The following MAP1S variants were observed in gnomAD, a reference collection of about 807,000 sequenced individuals.
MAP1S encodes microtubule associated protein 1S, also known as microtubule-associated protein 1S.
Under a neutral mutation model 60.9 loss-of-function variants are expected in MAP1S, and 27 were observed. The observed-to-expected ratio is 0.44, with a 90% CI of 0.33 to 0.61. The LOEUF (loss-of-function observed/expected upper bound fraction) is 0.61. MAP1S is among the 20% of genes least tolerant of loss of function. The pLI is 0.03. For synonymous variants in MAP1S, 826 were observed against 694.2 expected (o/e 1.19, Z -2.98); for missense variants, 1,608 against 1,486.6 (o/e 1.08, Z -1.34).
chr19:17,720,227 C>A (rs2080358238), intron 1 of MAP1S: 1 of 1,380,874 alleles, frequency 7.2e-7, no homozygotes, highest in South Asian at 1.6e-5. Flanking sequence ...GTGATGCGCC[C>A]GTGGGTGGAG....
rs1340449832 is a variant in MAP1S at position 17,727,276 on chromosome 19, G to A, written c.1892G>A (p.Ser631Asn). The change falls in exon 5 of 7, where the codon AGC becomes AAC. Residue 631 changes from serine to asparagine, a missense_variant. This residue lies in a region of MAP1S where 1,167 missense variants were observed against 961.4 expected (regional missense o/e 1.21). Coordinates refer to ENST00000324096, the MANE Select transcript of MAP1S (RefSeq NM_018174.6). The surrounding 1 kb of genome is among the most constrained non-coding windows in gnomAD (Gnocchi z 4.1). Reference protein sequence around the residue: ...EKALELPLAASSIPRPRTPSP... With the variant: ...EKALELPLAANSIPRPRTPSP... ...GCACTGGAGCTGCCTTTGGCCGCCA[G>A]CTCAATCCCAAGGCCACGCACACCC... 1 of 1,583,810 alleles carries A rather than the reference G, an allele frequency of 6.3e-7. No individual in the cohort carries two copies.
chr19:17,732,871 G>T (rs985405725), intron 5 of MAP1S: 3 of 328,920 alleles, frequency 9.1e-6, no homozygotes, highest in Non-Finnish European at 1.7e-5. Flanking sequence ...GGGGTGGCCG[G>T]TGGTGTTTGT....
In MAP1S at chr19:17,727,200, G is replaced by C. The variant is rs1424445634; in HGVS notation, c.1816G>C (p.Val606Leu). 1 of 1,573,516 alleles carries C rather than the reference G, an allele frequency of 6.4e-7. No individual in the cohort carries two copies. The highest frequency in any genetic ancestry group is 1.1e-5 in the South Asian group (1 of 87,218). ...AACGSPASQL[V>L]ATPSLELGPI... ...CTGCGGCTCTCCGGCCTCCCAGCTGGTGGCCACGCCCAGCCTGGAGCTGGG... is the reference window on the plus strand; with the variant it reads ...CTGCGGCTCTCCGGCCTCCCAGCTGCTGGCCACGCCCAGCCTGGAGCTGGG... The change falls in exon 5 of 7, where the codon GTG becomes CTG. Residue 606 changes from valine (V) to leucine (L), a missense_variant. This residue lies in a region of MAP1S where 1,167 missense variants were observed against 961.4 expected (regional missense o/e 1.21). Coordinates refer to ENST00000324096, the MANE Select transcript of MAP1S (RefSeq NM_018174.6). This position sits in a 1 kb window ranked among gnomAD's most constrained non-coding sequence, Gnocchi z 4.1.
Position 17,726,800 on chromosome 19 carries a change from CAA to C in MAP1S, c.1418_1419del (p.Lys473ArgfsTer20). On this transcript the variant is annotated frameshift_variant, in exon 5 of 7. Transcript: ENST00000324096. LOFTEE classifies it high-confidence loss of function. ...DLEGPGRAES[K>X]ESVGSRDSSK... ...TGGAGGGGCCGGGGCGAGCCGAGAG[CAA>C]AGAGAGCGTGGGCTCCCGGGACAGC... The C allele has an allele frequency of 1.3e-6, 2 of 1,558,136 alleles. No individual in the cohort carries two copies. The highest frequency in any genetic ancestry group is 2.4e-5 in the East Asian group (1 of 41,448).
rs1459138160 is a variant in MAP1S at position 17,725,292 on chromosome 19, T to G, written c.444+103T>G. The G allele has an allele frequency of 5.0e-6, 7 of 1,401,772 alleles. 1 individual carries two copies. Among genetic ancestry groups the G allele is most frequent in the Non-Finnish European group, 6.8e-6 (7 of 1,035,220 alleles). The allele number at this position is 1,401,772 out of a possible 1,614,324, so 86.8% of individuals were successfully genotyped here. A position where few individuals can be genotyped will look rare whatever the true frequency, so the allele number is the denominator to read the frequency against. On this transcript the variant is annotated intron_variant, in intron 4 of 6. Transcript: ENST00000324096. This position sits in a 1 kb window ranked among gnomAD's most constrained non-coding sequence, Gnocchi z 4.2. The stretch of plus-strand genomic sequence containing the variant: ...CGACCTGCTGTTTTCCATGGCCTGG[T>G]CTCCCCATCCTCTGTAGGATGGCAG...
chr19:17,728,259 G>GT lies in MAP1S; in HGVS notation c.2788+94dup, dbSNP rs541828570. The stretch of plus-strand genomic sequence containing the variant: ...TCGTCCCCCTGTTTTTACATTTTCA[G>GT]TTTTTTTAAAAGAGATGGTCTCACT... On this transcript the variant is annotated intron_variant, in intron 5 of 6. Coordinates refer to ENST00000324096, the MANE Select transcript of MAP1S (RefSeq NM_018174.6). 8,819 of 1,397,170 alleles carry GT rather than the reference G, an allele frequency of 6.3e-3. 47 individuals are homozygous for GT. The highest frequency in any genetic ancestry group is 7.6e-3 in the Non-Finnish European group (7,996 of 1,046,372). The allele number at this position is 1,397,170 out of a possible 1,614,324, so 86.5% of individuals were successfully genotyped here.
intron 5 of MAP1S, among the ~76,000 whole-genome samples, chr19:17,729,184 C>T (rs2080471040): frequency 6.6e-6 from 1 of 152,180 alleles, no homozygotes; most frequent in Non-Finnish European, 1.5e-5. Flanking sequence ...TTCCAGAATC[C>T]TCTCCCAGTG....
chr19:17,726,351 G>T lies in MAP1S; in HGVS notation c.967G>T (p.Asp323Tyr). ...SEVAAGGGSW[D>Y]DRLRRLISPN... Reference sequence around the variant, plus strand: ...GGTGGCTGCTGGTGGGGGCTCCTGGGACGACAGGCTGCGCAGGCTCATCTC... The same window carrying T: ...GGTGGCTGCTGGTGGGGGCTCCTGGTACGACAGGCTGCGCAGGCTCATCTC... The change falls in exon 5 of 7, where the codon GAC (aspartate) becomes TAC (tyrosine). Residue 323 changes from aspartate to tyrosine, a missense_variant. By Grantham distance (160) the Asp-to-Tyr change is radical. Coordinates refer to ENST00000324096, the MANE Select transcript of MAP1S (RefSeq NM_018174.6). The T allele has an allele frequency of 2.5e-6, 4 of 1,600,646 alleles. No homozygotes were observed. Among genetic ancestry groups the T allele is most frequent in the Non-Finnish European group, 3.4e-6 (4 of 1,178,196 alleles).
intron 2 of MAP1S, among the ~76,000 whole-genome samples, chr19:17,723,656 C>G (rs2080390863): frequency 6.6e-6 from 1 of 152,172 alleles, no homozygotes; most frequent in South Asian, 2.1e-4. Flanking sequence ...GGAGACTATC[C>G]TGGCTTACAC....
At chr19:17,721,288 G>T (rs1375747304) in intron 2 of MAP1S, 27 of 496,070 alleles carry the variant, frequency 5.4e-5, no homozygotes, top group Non-Finnish European at 9.3e-5. Flanking sequence ...GAGGCAGGGA[G>T]ATCTCTGAGG....
In MAP1S at chr19:17,726,839, G is replaced by A. The variant is rs1359648836; in HGVS notation, c.1455G>A (p.Glu485=). 1 of 1,554,586 alleles carries A rather than the reference G, an allele frequency of 6.4e-7. No individual in the cohort carries two copies. Among genetic ancestry groups the A allele is most frequent in the South Asian group, 1.2e-5 (1 of 84,486 alleles). ...SVGSRDSSKR[E]GLLATHPRPG... The stretch of plus-strand genomic sequence containing the variant: ...GCTCCCGGGACAGCTCGAAGAGAGA[G>A]GGCCTCCTGGCCACCCACCCTAGAC... Residue 485 remains glutamate (E), a synonymous_variant, in exon 5 of 7, where the codon GAG becomes GAA. Transcript: ENST00000324096.
chr19:17,727,208 G>A lies in MAP1S; in HGVS notation c.1824G>A (p.Thr608=), dbSNP rs374802560. 2.2e-5 allele frequency: 35 copies of A among 1,570,006 alleles called. No individual in the cohort carries two copies. Among genetic ancestry groups the A allele is most frequent in the African/African-American group, 1.5e-4 (11 of 73,788 alleles). ...CTCCGGCCTCCCAGCTGGTGGCCACGCCCAGCCTGGAGCTGGGGCCGATCC... is the reference window on the plus strand; with the variant it reads ...CTCCGGCCTCCCAGCTGGTGGCCACACCCAGCCTGGAGCTGGGGCCGATCC... ...CGSPASQLVA[T]PSLELGPIPA... is the part of the protein sequence containing the mutation. The change falls in exon 5 of 7, where the codon ACG becomes ACA. Residue 608 remains threonine, a synonymous_variant. Transcript: ENST00000324096. This position sits in a 1 kb window ranked among gnomAD's most constrained non-coding sequence, Gnocchi z 4.1.
In MAP1S at chr19:17,720,898, C is replaced by G. The variant is rs780322217; in HGVS notation, c.119-38C>G. 7.3e-6 allele frequency: 11 copies of G among 1,516,604 alleles called. No homozygotes were observed. In the South Asian group the frequency reaches 1.1e-4, roughly 15 times the overall value. The allele number at this position is 1,516,604 out of a possible 1,614,324, so 93.9% of individuals were successfully genotyped here. On this transcript the variant is annotated intron_variant, in intron 1 of 6. Transcript: ENST00000324096. The stretch of plus-strand genomic sequence containing the variant: ...TGAAATATTCTGGGAGCTGGGGGGC[C>G]CGGCTGAACTCCCGCCTTGATCCCT...
intron 5 of MAP1S, chr19:17,728,978 A>G (rs1301038350): frequency 6.6e-6 from 1 of 152,206 alleles, no homozygotes; most frequent in Non-Finnish European, 1.5e-5. Flanking sequence ...AGGTGCCTGG[A>G]CAGGTGAGCA....
chr19:17,726,741 T>A lies in MAP1S; in HGVS notation c.1357T>A (p.Phe453Ile), dbSNP rs749094492. Residue 453 changes from phenylalanine to isoleucine, a missense_variant, in exon 5 of 7, where the codon TTC becomes ATC. By Grantham distance (21) the Phe-to-Ile change is conservative (BLOSUM62 0). This residue lies in a region of MAP1S where 1,167 missense variants were observed against 961.4 expected (regional missense o/e 1.21). Transcript: ENST00000324096. ...CCTGGTCCGCCTGCAGCACTTGAGG[T>A]TCCTGCGAGAGCCCGTGGTGACGCC... is the stretch of plus-strand genomic sequence containing the variant. ...DGLVRLQHLR[F>I]LREPVVTPQD... The A allele has an allele frequency of 3.1e-5, 49 of 1,581,800 alleles. No individual in the cohort carries two copies. Among genetic ancestry groups the A allele is most frequent in the Non-Finnish European group, 3.9e-5 (45 of 1,167,536 alleles).
chr19:17,733,190 C>T lies in MAP1S; in HGVS notation c.2789-3C>T, dbSNP rs1420406619. On this transcript the variant is annotated splice_polypyrimidine_tract_variant and splice_region_variant and intron_variant, in intron 5 of 6. Coordinates refer to ENST00000324096, the MANE Select transcript of MAP1S (RefSeq NM_018174.6). ...CCCTGCCTCCCCATCCCCCCGCCCG[C>T]AGGGTCAGCCAGCAGCCGGCCCGGG... 4 of 1,531,172 alleles carry T rather than the reference C, an allele frequency of 2.6e-6. No homozygotes were observed. The highest frequency in any genetic ancestry group is 3.5e-6 in the Non-Finnish European group (4 of 1,136,360). 94.8% of individuals were successfully genotyped at this position (1,531,172 alleles called of 1,614,324 possible). A position where few individuals can be genotyped will look rare whatever the true frequency, so the allele number is the denominator to read the frequency against.
In MAP1S at chr19:17,727,278, T is replaced by C; in HGVS notation, c.1894T>C (p.Ser632Pro). 1 of 1,584,714 alleles carries C rather than the reference T, an allele frequency of 6.3e-7. No homozygotes were observed. Among genetic ancestry groups the C allele is most frequent in the Non-Finnish European group, 8.5e-7 (1 of 1,170,920 alleles). ...KALELPLAAS[S>P]IPRPRTPSPE... is the part of the protein sequence containing the mutation. ...ACTGGAGCTGCCTTTGGCCGCCAGC[T>C]CAATCCCAAGGCCACGCACACCCTC... The change falls in exon 5 of 7, where the codon TCA becomes CCA. Residue 632 changes from serine to proline, a missense_variant. Transcript: ENST00000324096. This position sits in a 1 kb window ranked among gnomAD's most constrained non-coding sequence, Gnocchi z 4.1.
intron 5 of MAP1S, 87 bp downstream of exon 5, chr19:17,728,259 G>T: frequency 7.2e-7 from 1 of 1,397,228 alleles, no homozygotes; most frequent in African/African-American, 1.4e-5. Flanking sequence ...TACATTTTCA[G>T]TTTTTTTAAA....
intron 6 of MAP1S, 33 bp downstream of exon 6, chr19:17,733,461 T>C (rs2080511641): frequency 2.0e-6 from 3 of 1,530,008 alleles, no homozygotes; most frequent in Non-Finnish European, 8.8e-7. Context: ...TGGTGGTAAG[T>C]GTAGTTAGCA....
Sources: gnomAD v4.1 joint callset for allele counts (sites outside exome capture counted in the v4.1 genomes callset) on GRCh38, gnomAD v4.1.1 for gene constraint, gnomAD v4.1.1 regional missense constraint, Gnocchi (gnomAD v3.1) non-coding constraint, MANE v1.5 for transcripts, NCBI Gene and HGNC (gene_info 2026-07-23, HGNC 2026-07-21) for gene names.